Variants in CEACAM8 observed in about 807,000 individuals in gnomAD.
CEACAM8 encodes the protein cell adhesion molecule CEACAM8.
In CEACAM8, 31 loss-of-function variants were observed where a neutral mutation model predicts 33.4. That is an observed-to-expected ratio of 0.93 (90% CI 0.70 to 1.25). The LOEUF (loss-of-function observed/expected upper bound fraction) is 1.25. Ranked by LOEUF, CEACAM8 falls within the 50% of genes most tolerant of loss-of-function variation. The pLI is 0.00. For missense variants in CEACAM8, 388 were observed against 434.6 expected (o/e 0.89, Z 0.95); for synonymous variants, 138 against 164.5 (o/e 0.84, Z 1.23).
chr19:42,590,751 G>C, intron 2 of CEACAM8, among the ~76,000 whole-genome samples: 1 of 152,314 alleles, frequency 6.6e-6, no homozygotes, highest in Middle Eastern at 3.4e-3. Context: ...TCACGTAGTA[G>C]AATGGTGGTT....
chr19:42,581,989 G>A (rs984467061), intron 5 of CEACAM8, among the ~76,000 whole-genome samples: 2 of 126,044 alleles, frequency 1.6e-5, no homozygotes, highest in African/African-American at 6.0e-5. Context: ...TTCTCAACTG[G>A]ATTACTGAGT....
In CEACAM8 at chr19:42,593,600, AG is replaced by A. The variant is rs572450516; in HGVS notation, c.364del (p.Leu122TyrfsTer4). On this transcript the variant is annotated frameshift_variant, in exon 2 of 6. Coordinates refer to ENST00000244336, the MANE Select transcript of CEACAM8 (RefSeq NM_001816.4). LOFTEE classifies it high-confidence loss of function. The stretch of plus-strand genomic sequence containing the variant: ...CATAAGATTTAGCTTTATGACTTGT[AG>A]GGTGTAGGATCCTGTGTCATTTCTG... ...VTRNDTGSYT[L>X]QVIKLNLMSE... The A allele has an allele frequency of 1.4e-4, 231 of 1,608,580 alleles. No individual in the cohort carries two copies. Among genetic ancestry groups the A allele is most frequent in the Middle Eastern group, 3.3e-4 (2 of 6,032 alleles).
At chr19:42,589,795 A>T in intron 2 of CEACAM8, 60 bp from the exon 3 acceptor site, 2 of 1,610,606 alleles carry the variant, frequency 1.2e-6, no homozygotes, top group Non-Finnish European at 1.7e-6. Context: ...TCCACAGGCA[A>T]ATTTCAATTA....
At chr19:42,591,341 C>T (rs1184418993) in intron 2 of CEACAM8, among the ~76,000 whole-genome samples, 2 of 152,138 alleles carry the variant, frequency 1.3e-5, no homozygotes, top group African/African-American at 4.8e-5. Context: ...TCCTGAAGTT[C>T]GCTTGAAATT....
rs1224496948 is a variant in CEACAM8 at position 42,589,479 on chromosome 19, G to A, written c.681C>T (p.Asp227=). ...IQNPASANFS[D]PVTLNVLYGP... ...CACAGAGGACATTCAGGGTGACTGGGTCACTGAAGTTTGCACTCGCTGGGT... is the reference window on the plus strand; with the variant it reads ...CACAGAGGACATTCAGGGTGACTGGATCACTGAAGTTTGCACTCGCTGGGT... Residue 227 remains aspartate (D), a synonymous_variant, in exon 3 of 6, where the codon GAC becomes GAT. Coordinates refer to ENST00000244336, the MANE Select transcript of CEACAM8 (RefSeq NM_001816.4). The A allele has an allele frequency of 1.2e-6, 2 of 1,614,108 alleles. No homozygotes were observed. Among genetic ancestry groups the A allele is most frequent in the Non-Finnish European group, 1.7e-6 (2 of 1,180,058 alleles).
intron 3 of CEACAM8, 45 bp from the exon 4 acceptor site, chr19:42,589,083 G>A (rs753440986): frequency 6.3e-7 from 1 of 1,578,864 alleles, no homozygotes; most frequent in African/African-American, 1.3e-5. Flanking sequence ...TCAGAGGGAA[G>A]GGGAAGCTCC....
At chr19:42,590,691 C>G (rs2042422361) in intron 2 of CEACAM8, among the ~76,000 whole-genome samples, 1 of 152,124 alleles carries the variant, frequency 6.6e-6, no homozygotes, top group African/African-American at 2.4e-5. Context: ...AGGACAGATA[C>G]TGTAGGATTC....
rs368554100 is a variant in CEACAM8 at position 42,589,612 on chromosome 19, T to A, written c.548A>T (p.Gln183Leu). The A allele has an allele frequency of 3.5e-5, 56 of 1,614,126 alleles. 3 individuals carry two copies. In the South Asian group the frequency reaches 6.1e-4, roughly 18 times the overall value. The change falls in exon 3 of 6, where the codon CAG becomes CTG. Residue 183 changes from glutamine (Q) to leucine (L), a missense_variant. Coordinates refer to ENST00000244336, the MANE Select transcript of CEACAM8 (RefSeq NM_001816.4). ...CAGCCTGGGACTGACCGGGAGACTCTGACCATTTACCCACCACAGGTAGGT... is the reference window on the plus strand; with the variant it reads ...CAGCCTGGGACTGACCGGGAGACTCAGACCATTTACCCACCACAGGTAGGT... ...NTTYLWWVNG[Q>L]SLPVSPRLQL...
intron 4 of CEACAM8, among the ~76,000 whole-genome samples, chr19:42,587,526 A>C (rs2042356450): frequency 6.6e-6 from 1 of 152,236 alleles, no homozygotes. Context: ...CCATTTATAT[A>C]AGGTTGTTAG....
intron 4 of CEACAM8, 126 bp downstream of exon 4, chr19:42,588,656 GAA>G: frequency 1.9e-6 from 2 of 1,044,946 alleles, no homozygotes; most frequent in South Asian, 3.0e-5. Flanking sequence ...GGGTTTAGGA[GAA>G]AAGTTGGGGA....
At chr19:42,583,469 G>T (rs1050945337) in intron 4 of CEACAM8, 132 bp from the exon 5 acceptor site, 6 of 672,422 alleles carry the variant, frequency 8.9e-6, no homozygotes, top group African/African-American at 3.7e-5. Context: ...TTGTGGGAAG[G>T]TTGCTGGGAC....
At chr19:42,585,019 G>A (rs944102499) in intron 4 of CEACAM8, among the ~76,000 whole-genome samples, 1 of 152,182 alleles carries the variant, frequency 6.6e-6, no homozygotes, top group Non-Finnish European at 1.5e-5. Context: ...TGGACTCCCA[G>A]CATGGTGGCT....
chr19:42,591,271 C>T (rs549874737), intron 2 of CEACAM8, among the ~76,000 whole-genome samples: 1 of 152,096 alleles, frequency 6.6e-6, no homozygotes, highest in Non-Finnish European at 1.5e-5. Flanking sequence ...CTCTTGATAA[C>T]AAAATAAGGT....
In CEACAM8 at chr19:42,585,190, T is replaced by G. The variant is rs185130311; in HGVS notation, c.959-1853A>C. On this transcript the variant is annotated intron_variant, in intron 4 of 5. Transcript: ENST00000244336. Reference sequence around the variant, plus strand: ...GTATGCACCTGTAGTTTCAGCTACCTGGGAAGCTGAGTTGGGAGGATTGCT... The same window carrying G: ...GTATGCACCTGTAGTTTCAGCTACCGGGGAAGCTGAGTTGGGAGGATTGCT... Among the ~76,000 whole-genome samples the G allele has an allele frequency of 1.3e-3, 196 of 151,820 alleles. 1 individual carries two copies. The highest frequency in any genetic ancestry group is 1.7e-3 in the Non-Finnish European group (117 of 67,936).
intron 5 of CEACAM8, among the ~76,000 whole-genome samples, chr19:42,582,268 T>G (rs1321762022): frequency 2.0e-5 from 3 of 152,128 alleles, no homozygotes; most frequent in African/African-American, 7.2e-5. Flanking sequence ...CATTTCTCAG[T>G]GATTCCAATG....
At chr19:42,593,041 G>T (rs1159450984) in intron 2 of CEACAM8, among the ~76,000 whole-genome samples, 1 of 152,250 alleles carries the variant, frequency 6.6e-6, no homozygotes, top group Non-Finnish European at 1.5e-5. Context: ...CCCTTGGATG[G>T]CTGGTAAATC....
At chr19:42,585,892 T>C (rs2042329124) in intron 4 of CEACAM8, among the ~76,000 whole-genome samples, 1 of 152,194 alleles carries the variant, frequency 6.6e-6, no homozygotes, top group Admixed American at 6.5e-5. Context: ...TTCAGTAATG[T>C]TGCAGGATAC....
rs767640763 is a variant in CEACAM8, at chr19:42,588,807, G to C, written c.935C>G (p.Thr312Arg). The change falls in exon 4 of 6, where the codon ACA becomes AGA. Residue 312 changes from threonine to arginine, a missense_variant. Transcript: ENST00000244336. ...TNSATGRNRT[T>R]VRMITVSDAL... is the part of the protein sequence containing the mutation. The stretch of plus-strand genomic sequence containing the variant: ...ACCAGAGACTGTGATCATCCTGACT[G>C]TGGTCCTGTTGCGGCCAGTGGCTGA... 1 of 1,614,196 alleles carries C rather than the reference G, an allele frequency of 6.2e-7. No homozygotes were observed. Among genetic ancestry groups the C allele is most frequent in the Non-Finnish European group, 8.5e-7 (1 of 1,180,032 alleles).
At chr19:42,589,190 G>T in intron 3 of CEACAM8, 152 bp from the exon 4 acceptor site, 2 of 1,042,874 alleles carry the variant, frequency 1.9e-6, no homozygotes, top group Non-Finnish European at 2.8e-6. Flanking sequence ...TTTCTACTGA[G>T]ACAGAGTCCG....
Sources: allele counts gnomAD v4.1 joint callset (sites outside exome capture counted in the v4.1 genomes callset), GRCh38; gene constraint gnomAD v4.1.1; transcripts MANE v1.5; gene names NCBI Gene and HGNC (gene_info 2026-07-23, HGNC 2026-07-21).